Variants in GNAQ observed in about 807,000 individuals in gnomAD.
The protein encoded by GNAQ is guanine nucleotide-binding protein G(q) subunit alpha.
In GNAQ, 8 loss-of-function variants were observed where a neutral mutation model predicts 43.9. The ratio of observed to expected loss-of-function variants is 0.18; its 90% CI spans 0.11 to 0.33. The LOEUF (loss-of-function observed/expected upper bound fraction) is 0.33, where lower values mean the gene tolerates loss of function less well. GNAQ is among the 10% of genes least tolerant of loss of function. GNAQ has a pLI of 1.00. For synonymous variants in GNAQ, 155 were observed against 170.7 expected, an observed-to-expected ratio of 0.91 and a Z score of 0.71; for missense variants, 158 against 450.8, an observed-to-expected ratio of 0.35 and a Z score of 5.88.
chr9:77,814,820 A>G (rs922356608), intron 3 of GNAQ, among the ~76,000 whole-genome samples: 1 of 152,218 alleles, frequency 6.6e-6, no homozygotes, highest in East Asian at 1.9e-4. Flanking sequence ...CTGTATTAAT[A>G]TAACTAATGT....
chr9:77,898,467 T>A (rs1434922154), intron 2 of GNAQ, among the ~76,000 whole-genome samples: 1 of 152,242 alleles, frequency 6.6e-6, no homozygotes, highest in African/African-American at 2.4e-5. Flanking sequence ...TATTATAAAT[T>A]GCCCATGGAC....
intron 1 of GNAQ, among the ~76,000 whole-genome samples, chr9:77,953,783 T>C (rs1001669516): frequency 2.6e-5 from 4 of 152,172 alleles, no homozygotes; most frequent in African/African-American, 7.2e-5. Context: ...ACTAAGGAAG[T>C]AAATCAAATA....
chr9:77,860,772 T>G (rs1827837589), intron 2 of GNAQ, among the ~76,000 whole-genome samples: 1 of 152,134 alleles, frequency 6.6e-6, no homozygotes, highest in South Asian at 2.1e-4. Flanking sequence ...GAGCATTTAT[T>G]TCCCTGGCTC....
At chr9:77,956,898 C>G (rs1823047776) in intron 1 of GNAQ, among the ~76,000 whole-genome samples, 1 of 152,112 alleles carries the variant, frequency 6.6e-6, no homozygotes, top group South Asian at 2.1e-4. Context: ...AAGGAAGCAT[C>G]ATTTATTTGG....
At chr9:77,882,442 TGC>T (rs1170777070) in intron 2 of GNAQ, among the ~76,000 whole-genome samples, 1 of 152,206 alleles carries the variant, frequency 6.6e-6, no homozygotes, top group Admixed American at 6.5e-5. Context: ...AACTAAAGGT[TGC>T]AAACAAGCAA....
At chr9:77,761,189 A>G (rs1826007168) in intron 5 of GNAQ, among the ~76,000 whole-genome samples, 2 of 133,368 alleles carry the variant, frequency 1.5e-5, no homozygotes, top group East Asian at 2.5e-4. Context: ...CCGCCCGGCC[A>G]GTGAGGGGCG....
intron 2 of GNAQ, among the ~76,000 whole-genome samples, chr9:77,921,633 A>C (rs1384542612): frequency 6.6e-6 from 1 of 152,224 alleles, no homozygotes; most frequent in African/African-American, 2.4e-5. Context: ...AGTTGCAGGG[A>C]AATGCGTTGG....
chr9:77,761,588 A>G (rs1826025286), intron 5 of GNAQ, among the ~76,000 whole-genome samples: 1 of 128,492 alleles, frequency 7.8e-6, no homozygotes, highest in Non-Finnish European at 1.6e-5. Flanking sequence ...CTCGCCCGGG[A>G]GGTGAGGGGC....
chr9:77,851,604 G>A (rs1007060741), intron 2 of GNAQ, among the ~76,000 whole-genome samples: 4 of 152,126 alleles, frequency 2.6e-5, no homozygotes, highest in African/African-American at 4.8e-5. Flanking sequence ...CCTTTATTAC[G>A]TATCTCTGCT....
chr9:77,716,543 T>C lies in GNAQ; in HGVS notation c.*4780A>G, dbSNP rs1825230055. 1.7e-5 allele frequency: 4 copies of C among 232,798 alleles called. No individual in the cohort carries two copies. Among genetic ancestry groups the C allele is most frequent in the South Asian group, 1.8e-4 (1 of 5,530 alleles). 14.4% of individuals were successfully genotyped at this position (232,798 alleles called of 1,614,324 possible). A position where few individuals can be genotyped will look rare whatever the true frequency, so the allele number is the denominator to read the frequency against. On this transcript the variant is annotated 3_prime_UTR_variant, in exon 7 of 7. Transcript: ENST00000286548. Reference sequence around the variant, plus strand: ...CAAGGAGTTGCATTTAGAGAGTTCTTTGAGGAAAAGAAATCCACCAAAAAC... The same window carrying C: ...CAAGGAGTTGCATTTAGAGAGTTCTCTGAGGAAAAGAAATCCACCAAAAAC...
Position 77,718,318 on chromosome 9 carries a change from C to T in GNAQ, c.*3005G>A, listed in dbSNP as rs1382488059. On this transcript the variant is annotated 3_prime_UTR_variant, in exon 7 of 7. Coordinates refer to ENST00000286548, the MANE Select transcript of GNAQ (RefSeq NM_002072.5). ...TTTTATACAAAACTGAAAAGAATCC[C>T]GTCCCGCCCCTAGCCCCTTCAATAA... 5 of 232,300 alleles carry T rather than the reference C, an allele frequency of 2.2e-5. No homozygotes were observed. The highest frequency in any genetic ancestry group is 5.6e-5 in the Admixed American group (1 of 17,750). 14.4% of individuals were successfully genotyped at this position (232,300 alleles called of 1,614,324 possible).
rs551972889 is a variant in GNAQ at position 77,984,631 on chromosome 9, A to C, written c.136+46469T>G. 9.2e-5 allele frequency among the ~76,000 whole-genome samples: 14 copies of C among 152,330 alleles called. No individual in the cohort carries two copies. The South Asian group carries it at 2.7e-3, about 29-fold the overall frequency. On this transcript the variant is annotated intron_variant, in intron 1 of 6. Transcript: ENST00000286548. Reference sequence around the variant, plus strand: ...TTATTGTCTTGAAATACCTTTTTAAAACATTCTCTTTTAAAAAATTCCCTT... The same window carrying C: ...TTATTGTCTTGAAATACCTTTTTAACACATTCTCTTTTAAAAAATTCCCTT...
At chr9:77,892,195 G>A (rs892339993) in intron 2 of GNAQ, among the ~76,000 whole-genome samples, 15 of 152,160 alleles carry the variant, frequency 9.9e-5, no homozygotes, top group African/African-American at 3.6e-4. Flanking sequence ...CTTCTGAAAC[G>A]TTATCTGTCA....
intron 2 of GNAQ, among the ~76,000 whole-genome samples, chr9:77,830,318 T>C (rs1250213199): frequency 6.6e-6 from 1 of 152,054 alleles, no homozygotes; most frequent in East Asian, 1.9e-4. Context: ...ATCTGAAGTA[T>C]GGGGCACACA....
chr9:77,863,098 C>T (rs552105069), intron 2 of GNAQ, among the ~76,000 whole-genome samples: 42 of 151,928 alleles, frequency 2.8e-4, no homozygotes, highest in East Asian at 5.8e-4. Context: ...TGCTTGAACC[C>T]GGGAGGCAGA....
At chr9:77,995,585 G>T (rs1044812093) in intron 1 of GNAQ, among the ~76,000 whole-genome samples, 1 of 152,070 alleles carries the variant, frequency 6.6e-6, no homozygotes, top group Non-Finnish European at 1.5e-5. Flanking sequence ...CAAACTCCTG[G>T]ACTCAAGTGA....
intron 1 of GNAQ, among the ~76,000 whole-genome samples, chr9:77,925,024 GC>G (rs1168510176): frequency 6.6e-6 from 1 of 151,960 alleles, no homozygotes; most frequent in Non-Finnish European, 1.5e-5. Context: ...GTGCTATGTT[GC>G]CTTCAAAAGG....
intron 2 of GNAQ, among the ~76,000 whole-genome samples, chr9:77,830,051 C>G (rs994477370): frequency 6.6e-6 from 1 of 152,100 alleles, no homozygotes; most frequent in Non-Finnish European, 1.5e-5. Flanking sequence ...CTCCAGGGTT[C>G]AGGTGATGTT....
intron 4 of GNAQ, among the ~76,000 whole-genome samples, chr9:77,794,938 C>G (rs904455546): frequency 2.0e-5 from 3 of 152,142 alleles, no homozygotes; most frequent in Non-Finnish European, 4.4e-5. Flanking sequence ...TTAAGCCCTA[C>G]TGGCAAATAC....
Sources: gnomAD v4.1 joint callset for allele counts (sites outside exome capture counted in the v4.1 genomes callset) on GRCh38, gnomAD v4.1.1 for gene constraint, MANE v1.5 for transcripts, NCBI Gene and HGNC (gene_info 2026-07-23, HGNC 2026-07-21) for gene names.